The following TRIO variants were observed in gnomAD, a reference collection of about 807,000 sequenced individuals.
TRIO encodes the protein triple functional domain protein.
In TRIO, 58 loss-of-function variants were observed where a neutral mutation model predicts 351.9. The observed-to-expected ratio is 0.16, with a 90% confidence interval of 0.13 to 0.21. The LOEUF is 0.21. Among genes scored for constraint, TRIO ranks in the 10% least tolerant of loss-of-function variants. TRIO has a pLI of 1.00. For missense variants in TRIO, 3,201 were observed against 4,027.8 expected (o/e 0.79, Z 5.56); for synonymous variants, 1,758 against 1,595.7 (o/e 1.10, Z -2.42).
intron 48 of TRIO, chr5:14,488,701 G>A: frequency 1.8e-6 from 1 of 558,654 alleles, no homozygotes; most frequent in East Asian, 3.0e-5. Context: ...TATCTTTGCG[G>A]CATTTTTGAC....
chr5:14,446,357 T>G (rs554788516), intron 34 of TRIO, among the ~76,000 whole-genome samples: 1 of 152,332 alleles, frequency 6.6e-6, no homozygotes, highest in South Asian at 2.1e-4. Flanking sequence ...CCAGCCCTCT[T>G]TTCTTTTTGT....
In TRIO at chr5:14,497,889, T is replaced by G. The variant is rs1757003345; in HGVS notation, c.8047+15T>G. ...CATTTATGACGGTGAGTTCTGTTCT[T>G]TTTCTTCTAGTCCTAGAGATGATTC... is the stretch of plus-strand genomic sequence containing the variant. On this transcript the variant is annotated intron_variant, in intron 51 of 56. Coordinates refer to ENST00000344204, the MANE Select transcript of TRIO (RefSeq NM_007118.4). This position sits in a 1 kb window ranked among gnomAD's most constrained non-coding sequence, Gnocchi z 4.4. The G allele has an allele frequency of 6.2e-7, 1 of 1,614,230 alleles. No individual in the cohort carries two copies. The highest frequency in any genetic ancestry group is 2.2e-5 in the East Asian group (1 of 44,890).
At position 14,226,901 on chromosome 5, in the gene TRIO, C is replaced by T. The variant is rs519005; in HGVS notation, c.158-43924C>T. Among the ~76,000 whole-genome samples the T allele has an allele frequency of 1.2e-3, 175 of 151,546 alleles. 1 individual carries two copies. The highest frequency in any genetic ancestry group is 4.6e-3 in the South Asian group (22 of 4,776). On this transcript the variant is annotated intron_variant, in intron 1 of 56. Transcript: ENST00000344204. ...CTGCAGCTCTCCTCCTCCCTGGTTTCTGCAGCTCTCCTCCCTGGCTTTTGC... is the reference window on the plus strand; with the variant it reads ...CTGCAGCTCTCCTCCTCCCTGGTTTTTGCAGCTCTCCTCCCTGGCTTTTGC...
chr5:14,210,102 A>G (rs1441862185), intron 1 of TRIO, among the ~76,000 whole-genome samples: 1 of 152,192 alleles, frequency 6.6e-6, no homozygotes. Context: ...ATGGCGCCCC[A>G]GGTGGGGTCA....
intron 9 of TRIO, among the ~76,000 whole-genome samples, chr5:14,326,738 C>A (rs910833099): frequency 2.0e-5 from 3 of 152,176 alleles, no homozygotes; most frequent in African/African-American, 7.2e-5. Context: ...AGATAAAGGC[C>A]TGTAATTTGC....
Position 14,492,615 on chromosome 5 carries a change from G to T in TRIO, c.7681G>T (p.Asp2561Tyr), listed in dbSNP as rs1399228299. Residue 2561 changes from aspartate to tyrosine, a missense_variant, in exon 49 of 57, where the codon GAT becomes TAT. Asp to Tyr is a radical substitution (Grantham distance 160). Around this residue, in one of 19 missense-constraint regions of TRIO, gnomAD observed 1,089 missense variants for 954.9 expected, o/e 1.14. Transcript: ENST00000344204. ...CATCTCCACCATGTTGGTGACACACGATTACACGGCAGTGAAGGAGGATGA... is the reference window on the plus strand; with the variant it reads ...CATCTCCACCATGTTGGTGACACACTATTACACGGCAGTGAAGGAGGATGA... ...SNISTMLVTHDYTAVKEDEIN... is the reference protein window; with the variant it reads ...SNISTMLVTHYYTAVKEDEIN... 1.2e-6 allele frequency: 2 copies of T among 1,614,184 alleles called. No individual in the cohort carries two copies. Among genetic ancestry groups the T allele is most frequent in the Non-Finnish European group, 1.7e-6 (2 of 1,180,038 alleles).
At chr5:14,458,580 G>C (rs1290677721) in intron 34 of TRIO, among the ~76,000 whole-genome samples, 1 of 152,178 alleles carries the variant, frequency 6.6e-6, no homozygotes, top group Non-Finnish European at 1.5e-5. Context: ...AAGAAACTAG[G>C]TGTTCATTAT....
intron 1 of TRIO, among the ~76,000 whole-genome samples, chr5:14,191,747 C>T (rs889955073): frequency 6.6e-6 from 1 of 152,110 alleles, no homozygotes; most frequent in African/African-American, 2.4e-5. Flanking sequence ...GAGAAGTAAG[C>T]CACAGCCAGT....
chr5:14,198,433 T>A (rs1790906827), intron 1 of TRIO, among the ~76,000 whole-genome samples: 1 of 152,202 alleles, frequency 6.6e-6, no homozygotes, highest in Non-Finnish European at 1.5e-5. Context: ...GAGCAGAGAT[T>A]TCAGATCATC....
intron 1 of TRIO, among the ~76,000 whole-genome samples, chr5:14,256,900 A>T (rs1270047537): frequency 6.6e-6 from 1 of 152,240 alleles, no homozygotes; most frequent in Non-Finnish European, 1.5e-5. Context: ...TCATTACTTT[A>T]AACAAATGAG....
rs566700526 is a variant in TRIO, at chr5:14,483,670, C to T, written c.6657+897C>T. Among the ~76,000 whole-genome samples, 4 of 152,308 alleles carry T rather than the reference C, an allele frequency of 2.6e-5. No homozygotes were observed. In the South Asian group the frequency reaches 8.3e-4, roughly 32 times the overall value. ...CAGGCTGGGGGCCTCTGCCCACCAG[C>T]ACCTAGGAGGGCTCTGGAGCCAAAC... On this transcript the variant is annotated intron_variant, in intron 46 of 56. Coordinates refer to ENST00000344204, the MANE Select transcript of TRIO (RefSeq NM_007118.4).
chr5:14,436,628 A>G (rs1340083872), intron 34 of TRIO, among the ~76,000 whole-genome samples: 1 of 152,252 alleles, frequency 6.6e-6, no homozygotes, highest in Non-Finnish European at 1.5e-5. Flanking sequence ...GTTACTTCCT[A>G]GATACGATGG....
At chr5:14,312,949 G>T (rs937217486) in intron 8 of TRIO, among the ~76,000 whole-genome samples, 1 of 152,148 alleles carries the variant, frequency 6.6e-6, no homozygotes, top group Non-Finnish European at 1.5e-5. Context: ...AAGACATTTT[G>T]CCAAAAGTGA....
chr5:14,229,116 T>C (rs1793236610), intron 1 of TRIO, among the ~76,000 whole-genome samples: 1 of 152,158 alleles, frequency 6.6e-6, no homozygotes, highest in Non-Finnish European at 1.5e-5. Context: ...AAATTAAAAA[T>C]AGGTTTAAGA....
At chr5:14,433,602 C>T (rs1288386861) in intron 34 of TRIO, among the ~76,000 whole-genome samples, 3 of 152,146 alleles carry the variant, frequency 2.0e-5, no homozygotes, top group Admixed American at 2.0e-4. Context: ...AATGGTATGA[C>T]ATTTCAGGGG....
rs1337582526 is a variant in TRIO, at chr5:14,398,073, G to A, written c.4424-807G>A. Among the ~76,000 whole-genome samples, 19 of 152,190 alleles carry A rather than the reference G, an allele frequency of 1.2e-4. No individual in the cohort carries two copies. The East Asian group carries it at 2.9e-3, about 23-fold the overall frequency. ...GCTACTTTGCTCACTTGCCCAGAGC[G>A]TAGGTACCTGAGCTGCTTTTAACTG... On this transcript the variant is annotated intron_variant, in intron 29 of 56. Coordinates refer to ENST00000344204, the MANE Select transcript of TRIO (RefSeq NM_007118.4).
chr5:14,387,743 C>A lies in TRIO; in HGVS notation c.3777C>A (p.Leu1259=), dbSNP rs981076260. Reference sequence around the variant, plus strand: ...CTGTTATTCCACAGAGTAAAAGTCTCCAGCTAGATATCATTCCAGCCAGTA... The same window carrying A: ...CTGTTATTCCACAGAGTAAAAGTCTACAGCTAGATATCATTCCAGCCAGTA... The part of the protein sequence containing the change: ...SSDSNKSSKS[L]QLDIIPASIP... The change falls in exon 23 of 57, where the codon CTC becomes CTA. Residue 1259 remains leucine, a synonymous_variant. Coordinates refer to ENST00000344204, the MANE Select transcript of TRIO (RefSeq NM_007118.4). 1.9e-6 allele frequency: 3 copies of A among 1,614,116 alleles called. No homozygotes were observed. The highest frequency in any genetic ancestry group is 2.5e-6 in the Non-Finnish European group (3 of 1,180,054).
At chr5:14,353,925 G>A (rs1386418120) in intron 11 of TRIO, among the ~76,000 whole-genome samples, 2 of 152,194 alleles carry the variant, frequency 1.3e-5, no homozygotes, top group African/African-American at 4.8e-5. Context: ...TGTATCTTAA[G>A]TGTTATTTTT....
intron 21 of TRIO, among the ~76,000 whole-genome samples, chr5:14,384,282 G>C (rs975616806): frequency 4.6e-5 from 7 of 152,142 alleles, no homozygotes; most frequent in Non-Finnish European, 8.8e-5. Flanking sequence ...ACCAGCGTCC[G>C]CAATGCCAAA....
Sources: allele counts gnomAD v4.1 joint callset (sites outside exome capture counted in the v4.1 genomes callset), GRCh38; gene constraint gnomAD v4.1.1; regional missense constraint gnomAD v4.1.1; non-coding constraint Gnocchi (gnomAD v3.1); transcripts MANE v1.5; gene names NCBI Gene and HGNC (gene_info 2026-07-23, HGNC 2026-07-21).